SH2B2: variants seen among roughly 807,000 people sequenced by gnomAD.
The protein encoded by SH2B2 is SH2B adaptor protein 2.
Under a neutral mutation model 35.7 loss-of-function variants are expected in SH2B2, and 37 were observed. The observed-to-expected ratio is 1.04, with a 90% CI of 0.80 to 1.36. The LOEUF (loss-of-function observed/expected upper bound fraction) is 1.36, where lower values mean the gene tolerates loss of function less well. Ranked by LOEUF, SH2B2 falls within the 40% of genes most tolerant of loss-of-function variation. The probability of loss-of-function intolerance (pLI) is 0.00; values close to 1 mark genes in which losing one functional copy is unlikely to be tolerated. For missense variants in SH2B2, 852 were observed against 817.7 expected (o/e 1.04, Z -0.51); for synonymous variants, 383 against 376.4 (o/e 1.02, Z -0.20).
At chr7:102,316,132 C>A (rs73187881) in intron 6 of SH2B2, among the ~76,000 whole-genome samples, 25 of 151,886 alleles carry the variant, frequency 1.6e-4, no homozygotes, top group Non-Finnish European at 2.9e-4. Context: ...CAAAAATTAG[C>A]CAGGCATTGT....
At chr7:102,290,659 G>T (rs1435662019) in intron 1 of SH2B2, among the ~76,000 whole-genome samples, 2 of 152,170 alleles carry the variant, frequency 1.3e-5, no homozygotes, top group Non-Finnish European at 2.9e-5. Context: ...AGCATGGTGG[G>T]TAGTCACCTC....
In SH2B2 at chr7:102,300,650, GC is replaced by G. The variant is rs1283650219; in HGVS notation, c.102del (p.Ala35ProfsTer58). On this transcript the variant is annotated frameshift_variant, in exon 2 of 9. Coordinates refer to ENST00000444095, the MANE Select transcript of SH2B2 (RefSeq NM_001359228.2). LOFTEE classifies it high-confidence loss of function. ...RQFCELHAQA[A>X]AVDFAHKFCR... ...GTTCTGCGAGCTGCATGCGCAGGCG[GC>G]CGCCGTGGACTTTGCGCACAAGTTC... 13 of 1,549,554 alleles carry G rather than the reference GC, an allele frequency of 8.4e-6. No homozygotes were observed. Among genetic ancestry groups the G allele is most frequent in the African/African-American group, 2.7e-5 (2 of 72,962 alleles).
intron 2 of SH2B2, among the ~76,000 whole-genome samples, chr7:102,303,573 T>C (rs1475920254): frequency 2.0e-5 from 3 of 152,178 alleles, no homozygotes; most frequent in Non-Finnish European, 1.5e-5. Context: ...TGAAGAGCTT[T>C]TTCCCCAGGT....
chr7:102,292,402 G>A (rs782244711), intron 1 of SH2B2, among the ~76,000 whole-genome samples: 2 of 152,046 alleles, frequency 1.3e-5, no homozygotes, highest in African/African-American at 2.4e-5. Context: ...TTGGTAGGAC[G>A]CACCTATAGT....
At chr7:102,303,807 C>T (rs1303843570) in intron 2 of SH2B2, among the ~76,000 whole-genome samples, 1 of 152,194 alleles carries the variant, frequency 6.6e-6, no homozygotes, top group African/African-American at 2.4e-5. Context: ...CACAGCTGCC[C>T]TTCTGTAAAT....
chr7:102,308,334 C>G (rs1327820083), intron 3 of SH2B2, among the ~76,000 whole-genome samples: 1 of 152,264 alleles, frequency 6.6e-6, no homozygotes, highest in Non-Finnish European at 1.5e-5. Context: ...CTCCTGCCCT[C>G]TTCCCCTTCA....
At chr7:102,321,272 T>C in intron 8 of SH2B2, 27 bp from the exon 9 acceptor site, 1 of 1,354,214 alleles carries the variant, frequency 7.4e-7, no homozygotes. Flanking sequence ...AGGTCCCCAC[T>C]CACGCCCTGC....
At chr7:102,287,620 C>T (rs1792506864) in intron 1 of SH2B2, among the ~76,000 whole-genome samples, 2 of 152,286 alleles carry the variant, frequency 1.3e-5, no homozygotes, top group African/African-American at 2.4e-5. Context: ...GGGGAGCTCC[C>T]CGGAGCCCCC....
intron 2 of SH2B2, among the ~76,000 whole-genome samples, chr7:102,305,145 G>A (rs192305102): frequency 6.6e-6 from 1 of 152,364 alleles, no homozygotes; most frequent in Non-Finnish European, 1.5e-5. Context: ...AGTGAGCCCC[G>A]TTCTGAGTCG....
intron 7 of SH2B2, 33 bp downstream of exon 7, chr7:102,317,428 T>C (rs781966127): frequency 1.8e-5 from 28 of 1,518,210 alleles, no homozygotes; most frequent in Non-Finnish European, 2.5e-5. Flanking sequence ...GGGGGTGCAG[T>C]GGCCAGCCCT....
chr7:102,311,554 C>CT lies in SH2B2; in HGVS notation c.923+2671dup, dbSNP rs1171961750. On this transcript the variant is annotated intron_variant, in intron 4 of 8. Transcript: ENST00000444095. The stretch of plus-strand genomic sequence containing the variant: ...ACAGGCGTGAGCCACTGCAACTGGC[C>CT]TTTTTTTTTTTTTTTTTTTTTTTAG... 3.9e-3 allele frequency among the ~76,000 whole-genome samples: 405 copies of CT among 104,620 alleles called. 4 individuals carry two copies. Among genetic ancestry groups the CT allele is most frequent in the Middle Eastern group, 0.019 (3 of 162 alleles). 68.6% of individuals were successfully genotyped at this position (104,620 alleles called of 152,430 possible). A position where few individuals can be genotyped will look rare whatever the true frequency, so the allele number is the denominator to read the frequency against.
intron 7 of SH2B2, 139 bp downstream of exon 7, chr7:102,317,534 C>T (rs1793898535): frequency 1.3e-6 from 1 of 742,840 alleles, no homozygotes; most frequent in Non-Finnish European, 2.1e-6. Context: ...GGGCCCCACT[C>T]ACCCCAGCCA....
intron 1 of SH2B2, among the ~76,000 whole-genome samples, chr7:102,290,946 T>C (rs1310396501): frequency 3.3e-5 from 5 of 152,214 alleles, no homozygotes; most frequent in African/African-American, 1.2e-4. Context: ...CCCTTAAGTT[T>C]AGCACTGCTG....
chr7:102,315,848 T>C (rs1188554925), intron 6 of SH2B2, among the ~76,000 whole-genome samples: 1 of 150,452 alleles, frequency 6.6e-6, no homozygotes, highest in Admixed American at 6.6e-5. Flanking sequence ...GAATCAGGGA[T>C]TGGGAACAGG....
chr7:102,287,666 C>A (rs1792508775), intron 1 of SH2B2, among the ~76,000 whole-genome samples: 1 of 152,168 alleles, frequency 6.6e-6, no homozygotes, highest in African/African-American at 2.4e-5. Context: ...GCCCAAGAGG[C>A]CGGCGCCTTT....
At chr7:102,312,239 G>T (rs1793655634) in intron 4 of SH2B2, among the ~76,000 whole-genome samples, 3 of 151,706 alleles carry the variant, frequency 2.0e-5, no homozygotes, top group Admixed American at 1.3e-4. Context: ...GGGCCTGGTG[G>T]TGGCATGCAC....
intron 1 of SH2B2, among the ~76,000 whole-genome samples, chr7:102,289,911 G>T (rs1792608176): frequency 6.6e-6 from 1 of 152,160 alleles, no homozygotes; most frequent in Non-Finnish European, 1.5e-5. Flanking sequence ...AACCAGCTCA[G>T]CCTGTCCTCC....
intron 3 of SH2B2, 108 bp from the exon 4 acceptor site, chr7:102,308,707 G>T (rs781938263): frequency 2.8e-4 from 231 of 813,020 alleles, no homozygotes; most frequent in Middle Eastern, 4.5e-4. Context: ...CTTGAGCCCT[G>T]CTGTGGGAGA....
At chr7:102,318,579 C>T (rs1554557614) in intron 7 of SH2B2, among the ~76,000 whole-genome samples, 2 of 152,188 alleles carry the variant, frequency 1.3e-5, no homozygotes, top group Non-Finnish European at 2.9e-5. Context: ...AGCCTGGGCT[C>T]CTGCCAGGAC....
Sources: gnomAD v4.1 joint callset for allele counts (sites outside exome capture counted in the v4.1 genomes callset) on GRCh38, gnomAD v4.1.1 for gene constraint, MANE v1.5 for transcripts, NCBI Gene and HGNC (gene_info 2026-07-23, HGNC 2026-07-21) for gene names.